Variants in FTO observed in about 807,000 individuals in gnomAD.
The protein encoded by FTO is FTO alpha-ketoglutarate dependent dioxygenase.
In FTO, 47 loss-of-function variants were observed where a neutral mutation model predicts 63.9. The observed-to-expected ratio is 0.74, with a 90% confidence interval of 0.58 to 0.94. The LOEUF is 0.94. Among genes scored for constraint, FTO ranks in the 40% least tolerant of loss-of-function variants. The pLI is 0.00. For synonymous variants in FTO, 207 were observed against 224.4 expected (o/e 0.92, Z 0.69); for missense variants, 562 against 618.1 (o/e 0.91, Z 0.96).
chr16:53,995,082 G>A (rs775681138), intron 8 of FTO, among the ~76,000 whole-genome samples: 1 of 152,168 alleles, frequency 6.6e-6, no homozygotes, highest in South Asian at 2.1e-4. Flanking sequence ...GTATGCAGTG[G>A]CCCTGTTGGA....
rs1051314160 is a variant in FTO, at chr16:53,738,257, G to A, written c.45+34028G>A. On this transcript the variant is annotated intron_variant, in intron 1 of 8. Coordinates refer to ENST00000471389, the MANE Select transcript of FTO (RefSeq NM_001080432.3). The stretch of plus-strand genomic sequence containing the variant: ...GGCTGGTCTCGAACTCCCCACCTCA[G>A]GTGATCTGCCCACCTCAGCTTCCCA... Among the ~76,000 whole-genome samples the A allele has an allele frequency of 2.0e-5, 3 of 152,044 alleles. No individual in the cohort carries two copies. In the East Asian group the frequency reaches 5.8e-4, roughly 29 times the overall value.
intron 4 of FTO, among the ~76,000 whole-genome samples, chr16:53,856,311 G>A (rs532769610): frequency 6.6e-6 from 1 of 151,580 alleles, no homozygotes; most frequent in African/African-American, 2.4e-5. Flanking sequence ...TATACCTCAT[G>A]CTGGAAGGTT....
Position 53,969,561 on chromosome 16 carries a change from T to A in FTO, c.1364+35452T>A, listed in dbSNP as rs190864473. 1.7e-3 allele frequency among the ~76,000 whole-genome samples: 255 copies of A among 152,338 alleles called. 1 individual carries two copies. The highest frequency in any genetic ancestry group is 5.7e-3 in the African/African-American group (235 of 41,584). On this transcript the variant is annotated intron_variant, in intron 8 of 8. Transcript: ENST00000471389. ...ACTGTCATTGGTAGTTTGTGCTTTT[T>A]TTGTGGCGACTCACAAACAGCGAGT...
At chr16:53,829,996 A>T (rs2079103259) in intron 3 of FTO, among the ~76,000 whole-genome samples, 1 of 152,198 alleles carries the variant, frequency 6.6e-6, no homozygotes, top group Admixed American at 6.5e-5. Context: ...TACAGAAGTG[A>T]TTGCTTCCTG....
At position 53,826,010 on chromosome 16, in the gene FTO, G is replaced by C. The variant is rs1298070169; in HGVS notation, c.270G>C (p.Leu90=). The change falls in exon 3 of 9, where the codon CTG becomes CTC. Residue 90 remains leucine, a synonymous_variant. Coordinates refer to ENST00000471389, the MANE Select transcript of FTO (RefSeq NM_001080432.3). ...TGGTTAGGATCCAAGGCAAAGATCT[G>C]CTCACTCCGGTATCTCGCATCCTCA... ...RDLVRIQGKD[L]LTPVSRILIG... The C allele has an allele frequency of 2.5e-6, 4 of 1,614,136 alleles. No individual in the cohort carries two copies. The highest frequency in any genetic ancestry group is 1.7e-6 in the Non-Finnish European group (2 of 1,180,028).
intron 4 of FTO, among the ~76,000 whole-genome samples, chr16:53,858,676 TG>T (rs1328496356): frequency 6.6e-6 from 1 of 152,122 alleles, no homozygotes; most frequent in Non-Finnish European, 1.5e-5. Context: ...TTTTCCTTTT[TG>T]TGAGACGGGG....
At chr16:53,915,321 A>G (rs986703799) in intron 7 of FTO, among the ~76,000 whole-genome samples, 3 of 152,184 alleles carry the variant, frequency 2.0e-5, no homozygotes, top group South Asian at 2.1e-4. Context: ...GAACCATGAA[A>G]TCACAAATGC....
chr16:53,801,589 T>C (rs995685703), intron 1 of FTO, among the ~76,000 whole-genome samples: 12 of 152,156 alleles, frequency 7.9e-5, no homozygotes, highest in African/African-American at 2.4e-4. Context: ...GATCTTCCAT[T>C]ATCAGTTCTT....
intron 8 of FTO, among the ~76,000 whole-genome samples, chr16:53,957,969 T>C (rs2082968746): frequency 6.6e-6 from 1 of 152,268 alleles, no homozygotes; most frequent in Non-Finnish European, 1.5e-5. Context: ...CCTCATGGAC[T>C]GAATATTTAT....
intron 8 of FTO, among the ~76,000 whole-genome samples, chr16:54,106,842 CATT>C (rs1265661227): frequency 2.2e-4 from 29 of 132,538 alleles, no homozygotes; most frequent in African/African-American, 6.9e-4. Flanking sequence ...TTATGTATAT[CATT>C]ATATATAATA....
chr16:54,102,647 G>A (rs78762431), intron 8 of FTO, among the ~76,000 whole-genome samples: 1 of 152,162 alleles, frequency 6.6e-6, no homozygotes, highest in African/African-American at 2.4e-5. Context: ...CTGAGGGAAA[G>A]AATTGGGAAC....
intron 8 of FTO, among the ~76,000 whole-genome samples, chr16:54,017,867 A>G (rs1381201908): frequency 6.6e-6 from 1 of 152,074 alleles, no homozygotes; most frequent in Non-Finnish European, 1.5e-5. Context: ...AAATTGTACT[A>G]AGCAGCTGAA....
intron 8 of FTO, among the ~76,000 whole-genome samples, chr16:54,001,132 G>T (rs2084055295): frequency 6.6e-6 from 1 of 152,142 alleles, no homozygotes; most frequent in African/African-American, 2.4e-5. Flanking sequence ...CCTCCTTTGT[G>T]GTCTTACAGC....
chr16:54,101,743 G>T (rs2086647235), intron 8 of FTO, among the ~76,000 whole-genome samples: 1 of 152,164 alleles, frequency 6.6e-6, no homozygotes, highest in South Asian at 2.1e-4. Context: ...TTGCTATACT[G>T]CTTTCCACAA....
At chr16:53,779,487 G>A (rs1045527947) in intron 1 of FTO, among the ~76,000 whole-genome samples, 6 of 152,134 alleles carry the variant, frequency 3.9e-5, no homozygotes, top group Admixed American at 1.3e-4. Flanking sequence ...TCCTTTAATA[G>A]ATCAATTCTC....
intron 8 of FTO, among the ~76,000 whole-genome samples, chr16:54,014,882 G>T (rs1200719700): frequency 4.6e-5 from 6 of 131,494 alleles, no homozygotes; most frequent in Admixed American, 2.5e-4. Context: ...TTGAGATGGG[G>T]TCTTGCCCTG....
intron 8 of FTO, among the ~76,000 whole-genome samples, chr16:54,055,937 A>G (rs1014672285): frequency 6.6e-6 from 1 of 152,212 alleles, no homozygotes; most frequent in Admixed American, 6.5e-5. Context: ...TTATTGTTCA[A>G]TTGAGAAAGT....
chr16:53,789,747 AACAT>A (rs1184623946), intron 1 of FTO, among the ~76,000 whole-genome samples: 4 of 121,096 alleles, frequency 3.3e-5, no homozygotes, highest in Non-Finnish European at 7.2e-5. Context: ...TAGTGTCTGG[AACAT>A]ACATATATAT....
At chr16:54,002,331 T>G (rs13335453) in intron 8 of FTO, among the ~76,000 whole-genome samples, 53,042 of 152,078 alleles carry the variant, frequency 0.35, 11,949 homozygotes, top group African/African-American at 0.63. Flanking sequence ...CAATACACAC[T>G]TGACTGTCAT....
Sources: gnomAD v4.1 joint callset for allele counts (sites outside exome capture counted in the v4.1 genomes callset) on GRCh38, gnomAD v4.1.1 for gene constraint, MANE v1.5 for transcripts, NCBI Gene and HGNC (gene_info 2026-07-23, HGNC 2026-07-21) for gene names.